Variants in TTLL11 observed in about 807,000 individuals in gnomAD.
TTLL11 encodes the protein tubulin polyglutamylase TTLL11.
In TTLL11, 42 loss-of-function variants were observed where a neutral mutation model predicts 51.7. The ratio of observed to expected loss-of-function variants is 0.81; its 90% CI spans 0.64 to 1.05. The LOEUF is 1.05. Ranked by LOEUF, TTLL11 falls within the 50% of genes least tolerant of loss-of-function variation. The pLI is 0.00. For missense variants in TTLL11, 799 were observed against 940.4 expected, an observed-to-expected ratio of 0.85 and a Z score of 1.97; for synonymous variants, 381 against 383.5, an observed-to-expected ratio of 0.99 and a Z score of 0.08.
chr9:121,870,468 C>A, intron 7 of TTLL11, 29 bp downstream of exon 7: 1 of 1,543,804 alleles, frequency 6.5e-7, no homozygotes, highest in South Asian at 1.2e-5. Context: ...AGCCCAAAGC[C>A]CAAGCCAGAG....
At chr9:121,830,671 G>T (rs971276167) in intron 8 of TTLL11, among the ~76,000 whole-genome samples, 2 of 152,204 alleles carry the variant, frequency 1.3e-5, no homozygotes, top group Admixed American at 1.3e-4. Flanking sequence ...CACAGCCCCA[G>T]ATTCTTCCAG....
chr9:121,929,746 G>A (rs1840897497), intron 6 of TTLL11, among the ~76,000 whole-genome samples: 2 of 152,208 alleles, frequency 1.3e-5, no homozygotes, highest in African/African-American at 4.8e-5. Flanking sequence ...TTGACAGGGA[G>A]GCATAAGGCA....
intron 1 of TTLL11, among the ~76,000 whole-genome samples, chr9:122,057,837 G>C (rs1248761567): frequency 6.6e-6 from 1 of 152,104 alleles, no homozygotes; most frequent in East Asian, 1.9e-4. Flanking sequence ...CCCTCCTACA[G>C]ACCTTACATA....
chr9:121,911,433 T>C (rs1309556064), intron 6 of TTLL11, among the ~76,000 whole-genome samples: 1 of 152,172 alleles, frequency 6.6e-6, no homozygotes, highest in Non-Finnish European at 1.5e-5. Context: ...ATCCCATTAC[T>C]GGGTATATAC....
chr9:121,871,293 T>C (rs1228549995), intron 6 of TTLL11, among the ~76,000 whole-genome samples: 1 of 152,132 alleles, frequency 6.6e-6, no homozygotes, highest in Non-Finnish European at 1.5e-5. Flanking sequence ...AGTCTGGATA[T>C]TCAGAAATTA....
chr9:122,004,131 T>TAATAA (rs1843567794), intron 3 of TTLL11, among the ~76,000 whole-genome samples: 1 of 151,142 alleles, frequency 6.6e-6, no homozygotes, highest in Non-Finnish European at 1.5e-5. Flanking sequence ...CAAAAAAAAA[T>TAATAA]AATAAAATAA....
chr9:122,040,803 A>G (rs970704123), intron 1 of TTLL11, among the ~76,000 whole-genome samples: 21 of 152,246 alleles, frequency 1.4e-4, no homozygotes, highest in Admixed American at 9.2e-4. Flanking sequence ...CTCTACTCAC[A>G]TTAACAACTT....
chr9:121,964,868 C>T (rs1842355603), intron 6 of TTLL11, among the ~76,000 whole-genome samples: 3 of 152,160 alleles, frequency 2.0e-5, no homozygotes, highest in Non-Finnish European at 4.4e-5. Context: ...CAGGAAATAA[C>T]CTCTCCCCAC....
intron 6 of TTLL11, among the ~76,000 whole-genome samples, chr9:121,905,968 T>C (rs1839930631): frequency 6.6e-6 from 1 of 152,128 alleles, no homozygotes; most frequent in Non-Finnish European, 1.5e-5. Context: ...ATTCAAAGAT[T>C]TTTCATCTAT....
At chr9:122,078,703 A>G (rs1845922530) in intron 1 of TTLL11, among the ~76,000 whole-genome samples, 2 of 152,198 alleles carry the variant, frequency 1.3e-5, no homozygotes. Context: ...TATTATGCCC[A>G]TTTTACAGAA....
intron 6 of TTLL11, among the ~76,000 whole-genome samples, chr9:121,896,079 TGC>T (rs2131460633): frequency 6.6e-6 from 1 of 151,630 alleles, no homozygotes; most frequent in Non-Finnish European, 1.5e-5. Flanking sequence ...TATCTGTGTG[TGC>T]CCGTTTGGTT....
At chr9:121,884,107 T>C (rs1838904571) in intron 6 of TTLL11, among the ~76,000 whole-genome samples, 2 of 152,064 alleles carry the variant, frequency 1.3e-5, no homozygotes, top group African/African-American at 2.4e-5. Context: ...ATCCCAGAGA[T>C]TTGCAGATGC....
Position 121,989,555 on chromosome 9 carries a change from T to C in TTLL11, c.909A>G (p.Leu303=). ...TCTCTAAGGGGTCTAAGGACTTGAG[T>C]AAGACATACAGACGAATATCAAACT... ...KLKFDIRLYV[L]LKSLDPLEIY... The change falls in exon 4 of 9, where the codon TTA becomes TTG. Residue 303 remains leucine (L), a synonymous_variant. Transcript: ENST00000321582. The surrounding 1 kb of genome is among the most constrained non-coding windows in gnomAD (Gnocchi z 4.2). The C allele has an allele frequency of 6.2e-7, 1 of 1,614,104 alleles. No individual in the cohort carries two copies. Among genetic ancestry groups the C allele is most frequent in the Non-Finnish European group, 8.5e-7 (1 of 1,180,016 alleles).
rs1290027655 is a variant in TTLL11 at position 122,023,732 on chromosome 9, G to A, written c.693+7991C>T. 7.3e-5 allele frequency among the ~76,000 whole-genome samples: 11 copies of A among 151,398 alleles called. No individual in the cohort carries two copies. In the South Asian group the frequency reaches 8.3e-4, roughly 11 times the overall value. Reference sequence around the variant, plus strand: ...AGTAGACACAGGGAAAAAAAAAAGAGTGACAAAATCCTACATCCATTCCTA... The same window carrying A: ...AGTAGACACAGGGAAAAAAAAAAGAATGACAAAATCCTACATCCATTCCTA... On this transcript the variant is annotated intron_variant, in intron 3 of 8. Transcript: ENST00000321582.
chr9:121,830,467 T>C (rs1262984226), intron 8 of TTLL11, among the ~76,000 whole-genome samples: 1 of 152,240 alleles, frequency 6.6e-6, no homozygotes, highest in Non-Finnish European at 1.5e-5. Flanking sequence ...AATGCCCATC[T>C]GCAAAGCGGG....
chr9:121,831,721 GTT>G (rs1234718303), intron 8 of TTLL11, among the ~76,000 whole-genome samples: 61 of 149,464 alleles, frequency 4.1e-4, no homozygotes, highest in Middle Eastern at 3.4e-3. Context: ...AAAAAGAATG[GTT>G]TTTGAGAAAC....
At chr9:122,042,097 C>T (rs1235170182) in intron 1 of TTLL11, among the ~76,000 whole-genome samples, 2 of 151,504 alleles carry the variant, frequency 1.3e-5, no homozygotes, top group Non-Finnish European at 2.9e-5. Flanking sequence ...GCAACCTCTG[C>T]CTCCTGGATC....
At chr9:121,882,982 CA>C (rs1303127004) in intron 6 of TTLL11, among the ~76,000 whole-genome samples, 1 of 152,016 alleles carries the variant, frequency 6.6e-6, no homozygotes, top group Non-Finnish European at 1.5e-5. Context: ...ATAGGTGATA[CA>C]AAAAACACAT....
chr9:122,088,071 T>C (rs1846173996), intron 1 of TTLL11, among the ~76,000 whole-genome samples: 1 of 151,976 alleles, frequency 6.6e-6, no homozygotes, highest in African/African-American at 2.4e-5. Flanking sequence ...TGAAGGAGAG[T>C]GGGCAAGGGA....
Sources: gnomAD v4.1 joint callset for allele counts (sites outside exome capture counted in the v4.1 genomes callset) on GRCh38, gnomAD v4.1.1 for gene constraint, Gnocchi (gnomAD v3.1) non-coding constraint, MANE v1.5 for transcripts, NCBI Gene and HGNC (gene_info 2026-07-23, HGNC 2026-07-21) for gene names.